The following FHIT variants were observed in gnomAD, a reference collection of about 807,000 sequenced individuals.
The protein encoded by FHIT is fragile histidine triad diadenosine triphosphatase.
In FHIT, 19 loss-of-function variants were observed where a neutral mutation model predicts 17.9. The ratio of observed to expected loss-of-function variants is 1.06; its 90% CI spans 0.74 to 1.56. The LOEUF is 1.56. FHIT is among the 40% of genes most tolerant of loss of function. The probability of loss-of-function intolerance (pLI) is 0.00; values close to 1 mark genes in which losing one functional copy is unlikely to be tolerated. For missense variants in FHIT, 248 were observed against 189.2 expected (o/e 1.31, Z -1.82); for synonymous variants, 81 against 69.7 (o/e 1.16, Z -0.81).
chr3:61,215,561 C>A (rs2039646665), intron 1 of FHIT, among the ~76,000 whole-genome samples: 1 of 152,120 alleles, frequency 6.6e-6, no homozygotes, highest in African/African-American at 2.4e-5. Flanking sequence ...TGAAAATGGC[C>A]ATACTGCCCA....
intron 2 of FHIT, among the ~76,000 whole-genome samples, chr3:61,096,820 G>T (rs1288676677): frequency 6.6e-6 from 1 of 152,044 alleles, no homozygotes; most frequent in Non-Finnish European, 1.5e-5. Flanking sequence ...AAGTGAGCTG[G>T]AAAAAAGAGG....
At chr3:60,929,428 G>A in intron 3 of FHIT, among the ~76,000 whole-genome samples, 1 of 152,194 alleles carries the variant, frequency 6.6e-6, no homozygotes, top group Non-Finnish European at 1.5e-5. Context: ...AATTGTCCCT[G>A]TTCGCAGATG....
chr3:60,943,083 G>A (rs1039686070), intron 3 of FHIT, among the ~76,000 whole-genome samples: 17 of 152,108 alleles, frequency 1.1e-4, no homozygotes, highest in African/African-American at 4.1e-4. Context: ...ATCTGTTAGT[G>A]GAGTTTGAAG....
At chr3:60,387,281 G>T (rs1275653556) in intron 5 of FHIT, among the ~76,000 whole-genome samples, 1 of 151,928 alleles carries the variant, frequency 6.6e-6, no homozygotes, top group South Asian at 2.1e-4. Flanking sequence ...GTGAGCCACC[G>T]TGCCCAGCCA....
chr3:60,412,414 A>G (rs781614075), intron 5 of FHIT, among the ~76,000 whole-genome samples: 2 of 151,992 alleles, frequency 1.3e-5, no homozygotes, highest in African/African-American at 2.4e-5. Context: ...GAGATTCACA[A>G]TCATCATCTC....
At chr3:60,976,042 C>T (rs1476430611) in intron 3 of FHIT, among the ~76,000 whole-genome samples, 1 of 146,174 alleles carries the variant, frequency 6.8e-6, no homozygotes, top group African/African-American at 2.5e-5. Context: ...AAGCAAGATG[C>T]TTTCTTCAGG....
At chr3:60,569,079 G>T (rs890527117) in intron 4 of FHIT, among the ~76,000 whole-genome samples, 2 of 151,136 alleles carry the variant, frequency 1.3e-5, no homozygotes, top group Admixed American at 6.6e-5. Context: ...GCCTGTCTGT[G>T]GCTGAAACCC....
intron 3 of FHIT, among the ~76,000 whole-genome samples, chr3:60,946,058 T>G (rs1417378919): frequency 3.3e-5 from 5 of 152,086 alleles, no homozygotes; most frequent in African/African-American, 1.2e-4. Flanking sequence ...GCAAAGGAGT[T>G]CAGTGTGCAT....
chr3:60,936,239 T>C (rs553924245), intron 3 of FHIT, among the ~76,000 whole-genome samples: 1 of 152,202 alleles, frequency 6.6e-6, no homozygotes, highest in Non-Finnish European at 1.5e-5. Context: ...TAGGAATCTA[T>C]TAACTAAGAA....
chr3:60,153,540 T>C (rs1024891402), intron 5 of FHIT, among the ~76,000 whole-genome samples: 5 of 152,188 alleles, frequency 3.3e-5, no homozygotes, highest in African/African-American at 9.6e-5. Context: ...TAATTAATGC[T>C]AGAAAACACA....
chr3:59,862,352 T>TC (rs1320761107), intron 8 of FHIT, among the ~76,000 whole-genome samples: 1 of 152,010 alleles, frequency 6.6e-6, no homozygotes, highest in African/African-American at 2.4e-5. Flanking sequence ...TCCCACCAGG[T>TC]CCCTCCCACG....
chr3:61,104,154 T>G (rs1279400810), intron 2 of FHIT, among the ~76,000 whole-genome samples: 1 of 152,062 alleles, frequency 6.6e-6, no homozygotes, highest in Non-Finnish European at 1.5e-5. Flanking sequence ...GTGGTTGTTT[T>G]ATAGTGTCAC....
intron 3 of FHIT, among the ~76,000 whole-genome samples, chr3:61,031,569 A>C (rs781780927): frequency 2.6e-5 from 4 of 152,234 alleles, no homozygotes; most frequent in Non-Finnish European, 4.4e-5. Flanking sequence ...TCCCAGTTAA[A>C]TGTCAAAGCT....
At chr3:59,918,462 G>T (rs115018477) in intron 8 of FHIT, among the ~76,000 whole-genome samples, 4,970 of 152,174 alleles carry the variant, frequency 0.033, 97 homozygotes, top group Admixed American at 0.039. Flanking sequence ...CAGTGAAAAG[G>T]ACCCTTTGAG....
intron 3 of FHIT, among the ~76,000 whole-genome samples, chr3:60,839,696 C>G (rs2106855757): frequency 6.6e-6 from 1 of 152,282 alleles, no homozygotes; most frequent in Middle Eastern, 3.4e-3. Flanking sequence ...TGTTGTCCCT[C>G]TCCCTCTCCC....
intron 5 of FHIT, among the ~76,000 whole-genome samples, chr3:60,531,480 G>T (rs373287612): frequency 1.3e-5 from 2 of 151,680 alleles, no homozygotes; most frequent in African/African-American, 2.4e-5. Context: ...GGGTTTCACC[G>T]TGTTAGCCAG....
chr3:59,982,602 C>CT (rs1200076008), intron 7 of FHIT, among the ~76,000 whole-genome samples: 3 of 152,176 alleles, frequency 2.0e-5, no homozygotes, highest in African/African-American at 7.2e-5. Flanking sequence ...CTTTAATCTG[C>CT]TTTAAGATTT....
chr3:59,846,864 G>A (rs141420564), intron 8 of FHIT, among the ~76,000 whole-genome samples: 1 of 152,048 alleles, frequency 6.6e-6, no homozygotes, highest in Non-Finnish European at 1.5e-5. Context: ...GTGATTATTG[G>A]CTGACAGTTT....
At chr3:59,969,827 T>C (rs960943290) in intron 7 of FHIT, among the ~76,000 whole-genome samples, 1 of 152,114 alleles carries the variant, frequency 6.6e-6, no homozygotes, top group African/African-American at 2.4e-5. Context: ...ACTTACTGTA[T>C]GTCTGATACT....
Sources: gnomAD v4.1 joint callset for allele counts (sites outside exome capture counted in the v4.1 genomes callset) on GRCh38, gnomAD v4.1.1 for gene constraint, MANE v1.5 for transcripts, NCBI Gene and HGNC (gene_info 2026-07-23, HGNC 2026-07-21) for gene names.